LCORL: variants seen among roughly 807,000 people sequenced by gnomAD.
LCORL encodes ligand dependent nuclear receptor corepressor like, also known as ligand-dependent nuclear receptor corepressor-like protein.
Under a neutral mutation model 141.8 loss-of-function variants are expected in LCORL, and 41 were observed. The ratio of observed to expected loss-of-function variants is 0.29; its 90% CI spans 0.23 to 0.38. The LOEUF (loss-of-function observed/expected upper bound fraction) is 0.38. Among genes scored for constraint, LCORL ranks in the 10% least tolerant of loss-of-function variants. LCORL has a pLI of 1.00. For missense variants in LCORL, 1,759 were observed against 2,035.0 expected (o/e 0.86, Z 2.61); for synonymous variants, 618 against 694.1 (o/e 0.89, Z 1.72).
chr4:17,902,376 G>C (rs919521087), intron 5 of LCORL, among the ~76,000 whole-genome samples: 1 of 152,026 alleles, frequency 6.6e-6, no homozygotes, highest in Non-Finnish European at 1.5e-5. Flanking sequence ...TTATTTTTCA[G>C]GTCGACTAAA....
intron 4 of LCORL, among the ~76,000 whole-genome samples, chr4:17,941,452 C>G (rs1363539299): frequency 6.6e-6 from 1 of 150,992 alleles, no homozygotes; most frequent in Non-Finnish European, 1.5e-5. Flanking sequence ...GAGTGAGACT[C>G]TGTCTCAAAA....
intron 7 of LCORL, among the ~76,000 whole-genome samples, chr4:17,867,828 T>G (rs1725870046): frequency 6.6e-6 from 1 of 152,018 alleles, no homozygotes; most frequent in Admixed American, 6.6e-5. Flanking sequence ...TCAAGAAAAA[T>G]TCTAAGAAAA....
chr4:17,981,380 G>A (rs1298343587), intron 1 of LCORL, among the ~76,000 whole-genome samples: 2 of 152,016 alleles, frequency 1.3e-5, no homozygotes, highest in East Asian at 3.9e-4. Context: ...CTTCATATTT[G>A]TCCAACACAT....
intron 1 of LCORL, among the ~76,000 whole-genome samples, chr4:17,974,647 T>G (rs1471625597): frequency 1.3e-5 from 2 of 152,134 alleles, no homozygotes; most frequent in African/African-American, 4.8e-5. Context: ...AATGCTGGCC[T>G]CATAAAGCAA....
chr4:17,950,413 A>G (rs538995732), intron 4 of LCORL, among the ~76,000 whole-genome samples: 1 of 152,288 alleles, frequency 6.6e-6, no homozygotes, highest in South Asian at 2.1e-4. Context: ...AACGCAGCCT[A>G]TAGACAAAGG....
intron 4 of LCORL, among the ~76,000 whole-genome samples, chr4:17,941,769 A>G (rs1219348650): frequency 6.6e-6 from 1 of 152,192 alleles, no homozygotes; most frequent in Admixed American, 6.5e-5. Context: ...CCCAATGTTC[A>G]TATTTCTCTG....
At chr4:17,857,828 A>G (rs1724536756) in intron 7 of LCORL, among the ~76,000 whole-genome samples, 1 of 152,242 alleles carries the variant, frequency 6.6e-6, no homozygotes. Flanking sequence ...GGCTCTGGCC[A>G]ACAATGCTTA....
At chr4:17,912,485 G>A (rs183530402) in intron 4 of LCORL, 1 of 523,416 alleles carries the variant, frequency 1.9e-6, no homozygotes, top group Admixed American at 2.2e-5. Flanking sequence ...CAGAAGAACC[G>A]ACAGGAACTA....
intron 2 of LCORL, among the ~76,000 whole-genome samples, chr4:17,964,215 GT>G (rs1458862293): frequency 1.3e-5 from 2 of 152,080 alleles, no homozygotes; most frequent in Non-Finnish European, 2.9e-5. Context: ...TTAAGATGCG[GT>G]GTAGGGTAAT....
intron 1 of LCORL, among the ~76,000 whole-genome samples, chr4:17,997,988 T>C (rs1014891633): frequency 7.9e-5 from 12 of 152,330 alleles, no homozygotes; most frequent in African/African-American, 2.6e-4. Context: ...GATTTGTTGT[T>C]GTTGTGCTAA....
At position 17,977,449 on chromosome 4, in the gene LCORL, AT is replaced by A. The variant is rs139681162; in HGVS notation, c.155-4565del. Among the ~76,000 whole-genome samples the A allele has an allele frequency of 7.6e-3, 1,153 of 152,306 alleles. 11 individuals are homozygous for A. The highest frequency in any genetic ancestry group is 0.026 in the African/African-American group (1,090 of 41,576). On this transcript the variant is annotated intron_variant, in intron 1 of 7. Coordinates refer to ENST00000635767, the Ensembl canonical transcript of LCORL. ...TTTTCTTTTGCTTTCTTCTAAAAAAATAATAATAAAAAACAGTGATTTGTAG... is the reference window on the plus strand; with the variant it reads ...TTTTCTTTTGCTTTCTTCTAAAAAAAAATAATAAAAAACAGTGATTTGTAG...
intron 4 of LCORL, among the ~76,000 whole-genome samples, chr4:17,926,398 C>T (rs547318230): frequency 2.2e-4 from 33 of 152,282 alleles, no homozygotes; most frequent in Admixed American, 5.9e-4. Context: ...TAAGTCTTCT[C>T]GCCTTCCTCT....
chr4:18,016,082 T>C (rs1724583281), intron 1 of LCORL, among the ~76,000 whole-genome samples: 1 of 152,042 alleles, frequency 6.6e-6, no homozygotes, highest in Non-Finnish European at 1.5e-5. Context: ...ACATGTTCCA[T>C]GATCTTTTCA....
intron 1 of LCORL, among the ~76,000 whole-genome samples, chr4:18,017,251 T>C (rs990349207): frequency 1.3e-5 from 2 of 152,142 alleles, no homozygotes; most frequent in African/African-American, 4.8e-5. Context: ...TATGTCTGAA[T>C]GTCAACTAAT....
chr4:17,862,042 C>G (rs1162619761), intron 7 of LCORL, among the ~76,000 whole-genome samples: 3 of 152,216 alleles, frequency 2.0e-5, no homozygotes, highest in African/African-American at 7.2e-5. Flanking sequence ...GTGCTCCAAA[C>G]TGTTCCAACC....
At chr4:17,949,694 T>C (rs1300495001) in intron 4 of LCORL, among the ~76,000 whole-genome samples, 4 of 152,190 alleles carry the variant, frequency 2.6e-5, no homozygotes, top group African/African-American at 7.2e-5. Context: ...ATACTTCTTG[T>C]AATTCCATAA....
intron 1 of LCORL, among the ~76,000 whole-genome samples, chr4:17,977,406 C>T (rs1313323541): frequency 6.6e-6 from 1 of 152,118 alleles, no homozygotes; most frequent in African/African-American, 2.4e-5. Flanking sequence ...ATCCCAATCA[C>T]CACTTGGTTA....
intron 4 of LCORL, among the ~76,000 whole-genome samples, chr4:17,941,352 A>G (rs1311819167): frequency 1.3e-5 from 2 of 151,946 alleles, no homozygotes; most frequent in African/African-American, 4.8e-5. Context: ...TATGCTACTC[A>G]GGAGGCTGAG....
intron 4 of LCORL, among the ~76,000 whole-genome samples, chr4:17,956,312 T>C: frequency 6.6e-6 from 1 of 152,126 alleles, no homozygotes; most frequent in Admixed American, 6.5e-5. Context: ...ACTGGGTATC[T>C]ACCCAAAGGA....
Sources: gnomAD v4.1 joint callset for allele counts (sites outside exome capture counted in the v4.1 genomes callset) on GRCh38, gnomAD v4.1.1 for gene constraint, MANE v1.5 for transcripts, NCBI Gene and HGNC (gene_info 2026-07-23, HGNC 2026-07-21) for gene names.